Variants in PRKCA observed in about 807,000 individuals in gnomAD.
PRKCA encodes the protein protein kinase C alpha type.
In PRKCA, 27 loss-of-function variants were observed where a neutral mutation model predicts 87.0. The ratio of observed to expected loss-of-function variants is 0.31; its 90% CI spans 0.23 to 0.43. The LOEUF is 0.43. PRKCA is among the 20% of genes least tolerant of loss of function. The probability of loss-of-function intolerance (pLI) is 1.00; values close to 1 mark genes in which losing one functional copy is unlikely to be tolerated. For missense variants in PRKCA, 518 were observed against 852.3 expected, an observed-to-expected ratio of 0.61 and a Z score of 4.88; for synonymous variants, 329 against 311.1, an observed-to-expected ratio of 1.06 and a Z score of -0.61.
intron 3 of PRKCA, among the ~76,000 whole-genome samples, chr17:66,572,750 GCCT>G (rs1969118039): frequency 6.6e-6 from 1 of 152,080 alleles, no homozygotes; most frequent in East Asian, 1.9e-4. Context: ...TCCTGCCTTG[GCCT>G]CCTAAAGTCC....
chr17:66,398,632 G>A (rs987995777), intron 2 of PRKCA, among the ~76,000 whole-genome samples: 1 of 152,070 alleles, frequency 6.6e-6, no homozygotes, highest in East Asian at 1.9e-4. Context: ...AGACAGAGAG[G>A]GAACAGTCCC....
At chr17:66,503,166 G>A (rs548917900) in intron 3 of PRKCA, among the ~76,000 whole-genome samples, 1 of 152,290 alleles carries the variant, frequency 6.6e-6, no homozygotes, top group Admixed American at 6.5e-5. Context: ...AGCGTCTGGA[G>A]GTAGTAAGCT....
chr17:66,483,884 G>A (rs1915886186), intron 2 of PRKCA, among the ~76,000 whole-genome samples: 1 of 152,084 alleles, frequency 6.6e-6, no homozygotes, highest in Non-Finnish European at 1.5e-5. Flanking sequence ...ATCACATTCT[G>A]AGGTACTAGA....
At chr17:66,542,298 C>A (rs567530478) in intron 3 of PRKCA, among the ~76,000 whole-genome samples, 3 of 152,068 alleles carry the variant, frequency 2.0e-5, no homozygotes, top group Non-Finnish European at 4.4e-5. Flanking sequence ...AGTCTTTGTG[C>A]TAGTTTCTGT....
rs1462734641 is a variant in PRKCA, at chr17:66,587,767, ACG to A, written c.289-53587_289-53586del. On this transcript the variant is annotated intron_variant, in intron 3 of 16. Coordinates refer to ENST00000413366, the MANE Select transcript of PRKCA (RefSeq NM_002737.3). ...TATGTGTGTATATGTATACATATAT[ACG>A]TATATGTGTGTATATGTATACATAT... Among the ~76,000 whole-genome samples the A allele has an allele frequency of 1.3e-4, 13 of 101,752 alleles. 2 individuals are homozygous for A. Among genetic ancestry groups the A allele is most frequent in the South Asian group, 6.5e-4 (2 of 3,096 alleles). The allele number at this position is 101,752 out of a possible 152,430, so 66.8% of individuals were successfully genotyped here. A position where few individuals can be genotyped will look rare whatever the true frequency, so the allele number is the denominator to read the frequency against.
chr17:66,374,719 CT>C (rs35431248), intron 2 of PRKCA, among the ~76,000 whole-genome samples: 30 of 115,814 alleles, frequency 2.6e-4, no homozygotes, highest in South Asian at 8.9e-4. Context: ...GAGTTGCATT[CT>C]TTTTTTTTTT....
At chr17:66,660,122 A>C (rs569689885) in intron 5 of PRKCA, among the ~76,000 whole-genome samples, 43 of 152,104 alleles carry the variant, frequency 2.8e-4, no homozygotes, top group Admixed American at 2.2e-3. Flanking sequence ...GGATCAACAA[A>C]AAAAAAAACA....
At position 66,572,559 on chromosome 17, in the gene PRKCA, G is replaced by A. The variant is rs565316496; in HGVS notation, c.289-68796G>A. ...ATGTTCCAGTTAGTCAAATTATCCT[G>A]GTAACCCACAGCTCACTGCAGCCTT... On this transcript the variant is annotated intron_variant, in intron 3 of 16. Coordinates refer to ENST00000413366, the MANE Select transcript of PRKCA (RefSeq NM_002737.3). Among the ~76,000 whole-genome samples, 9 of 152,234 alleles carry A rather than the reference G, an allele frequency of 5.9e-5. No individual in the cohort carries two copies. The South Asian group carries it at 1.9e-3, about 32-fold the overall frequency.
chr17:66,437,309 GT>G (rs1913448599), intron 2 of PRKCA, among the ~76,000 whole-genome samples: 1 of 152,112 alleles, frequency 6.6e-6, no homozygotes, highest in African/African-American at 2.4e-5. Context: ...CTGAGAACAG[GT>G]TTTCTCCATC....
intron 3 of PRKCA, among the ~76,000 whole-genome samples, chr17:66,634,238 G>A (rs945534456): frequency 1.3e-5 from 2 of 152,296 alleles, no homozygotes; most frequent in African/African-American, 4.8e-5. Flanking sequence ...ATTTAGATTT[G>A]TAGGTTAGAC....
intron 3 of PRKCA, among the ~76,000 whole-genome samples, chr17:66,539,919 G>C (rs375165336): frequency 1.1e-4 from 16 of 152,314 alleles, no homozygotes; most frequent in African/African-American, 3.9e-4. Context: ...AACAGTTTTA[G>C]AAAAGGTCAC....
At chr17:66,393,042 T>G (rs1241596555) in intron 2 of PRKCA, among the ~76,000 whole-genome samples, 1 of 152,060 alleles carries the variant, frequency 6.6e-6, no homozygotes, top group African/African-American at 2.4e-5. Context: ...AAACAAATAC[T>G]GAATATTGGT....
chr17:66,672,712 C>T (rs940633388), intron 5 of PRKCA, among the ~76,000 whole-genome samples: 1 of 152,056 alleles, frequency 6.6e-6, no homozygotes, highest in African/African-American at 2.4e-5. Flanking sequence ...GTAGATGCCC[C>T]CAAACAGGGA....
At chr17:66,451,246 C>T (rs1914294628) in intron 2 of PRKCA, among the ~76,000 whole-genome samples, 1 of 152,058 alleles carries the variant, frequency 6.6e-6, no homozygotes, top group South Asian at 2.1e-4. Flanking sequence ...TTAAACTGTG[C>T]CTTTTTTCCA....
chr17:66,509,979 G>A (rs996290935), intron 3 of PRKCA, among the ~76,000 whole-genome samples: 1 of 152,118 alleles, frequency 6.6e-6, no homozygotes, highest in Non-Finnish European at 1.5e-5. Context: ...AGTCAAGCTT[G>A]TCCAACCCAC....
At chr17:66,377,717 A>ATTTT (rs1415157449) in intron 2 of PRKCA, among the ~76,000 whole-genome samples, 8 of 53,550 alleles carry the variant, frequency 1.5e-4, no homozygotes, top group South Asian at 1.7e-3. Flanking sequence ...ATATATATAT[A>ATTTT]TATATTTTTT....
chr17:66,740,313 A>G (rs1381611226), intron 11 of PRKCA, among the ~76,000 whole-genome samples: 1 of 152,130 alleles, frequency 6.6e-6, no homozygotes, highest in Non-Finnish European at 1.5e-5. Flanking sequence ...GCTGGAAAAC[A>G]TCATCTCACC....
intron 13 of PRKCA, among the ~76,000 whole-genome samples, chr17:66,765,854 A>C (rs909062048): frequency 1.3e-5 from 2 of 152,174 alleles, no homozygotes; most frequent in Non-Finnish European, 2.9e-5. Context: ...ATTAACCACA[A>C]CTGCTCATTG....
At chr17:66,618,648 A>C (rs1347255505) in intron 3 of PRKCA, among the ~76,000 whole-genome samples, 1 of 152,202 alleles carries the variant, frequency 6.6e-6, no homozygotes, top group Non-Finnish European at 1.5e-5. Flanking sequence ...CACAATAACA[A>C]GGGATTATAG....
Sources: allele counts gnomAD v4.1 joint callset (sites outside exome capture counted in the v4.1 genomes callset), GRCh38; gene constraint gnomAD v4.1.1; transcripts MANE v1.5; gene names NCBI Gene and HGNC (gene_info 2026-07-23, HGNC 2026-07-21).